Variants in MGST1 observed in about 807,000 individuals in gnomAD.
MGST1 encodes microsomal glutathione S-transferase 1.
Under a neutral mutation model 8.9 loss-of-function variants are expected in MGST1, and 5 were observed. The ratio of observed to expected loss-of-function variants is 0.56; its 90% CI spans 0.29 to 1.19. The LOEUF is 1.19. Among genes scored for constraint, MGST1 ranks in the 50% most tolerant of loss-of-function variants. The pLI, the probability that MGST1 is intolerant of heterozygous loss-of-function variation, is 0.08. For synonymous variants in MGST1, 54 were observed against 67.8 expected, an observed-to-expected ratio of 0.80 and a Z score of 1.00; for missense variants, 182 against 187.4, an observed-to-expected ratio of 0.97 and a Z score of 0.17.
chr12:16,382,105 A>G (rs1453389976), downstream of MGST1, among the ~76,000 whole-genome samples: 1 of 151,990 alleles, frequency 6.6e-6, no homozygotes, highest in Non-Finnish European at 1.5e-5. Context: ...AGCTCGGAGT[A>G]GTTTGATCAT....
chr12:16,439,869 C>A (rs1941024834), downstream of MGST1, among the ~76,000 whole-genome samples: 1 of 151,680 alleles, frequency 6.6e-6, no homozygotes, highest in South Asian at 2.1e-4. Flanking sequence ...ATATCAAGTC[C>A]TACCCCACCT....
At chr12:16,550,213 T>C (rs1941937686) in intron 4 of MGST1, 1 of 152,270 alleles carries the variant, frequency 6.6e-6, no homozygotes, top group Non-Finnish European at 1.5e-5. Context: ...CTTTTCAGTG[T>C]CATACATTTA....
chr12:16,462,749 C>T (rs1436279823), intron 4 of MGST1, among the ~76,000 whole-genome samples: 1 of 152,012 alleles, frequency 6.6e-6, no homozygotes, highest in Non-Finnish European at 1.5e-5. Context: ...ATGTAGAAAA[C>T]TGAGACACAA....
Position 16,513,942 on chromosome 12 carries a change from C to A in MGST1, n.483-75586C>A, listed in dbSNP as rs184948380. On this transcript the variant is annotated intron_variant and non_coding_transcript_variant, in intron 4 of 4. Coordinates refer to the MGST1 transcript ENST00000538857. The surrounding 1 kb of genome is among the most constrained non-coding windows in gnomAD (Gnocchi z 4.2). ...ATCGATACTATGACCGCAAGACTTG[C>A]GGTTTTGACTTCACAGACACTGTGG... is the stretch of plus-strand genomic sequence containing the variant. 1 of 531,710 alleles carries A rather than the reference C, an allele frequency of 1.9e-6. No homozygotes were observed. The highest frequency in any genetic ancestry group is 3.6e-6 in the Non-Finnish European group (1 of 275,496). The allele number at this position is 531,710 out of a possible 1,614,324, so 32.9% of individuals were successfully genotyped here.
intron 1 of MGST1, among the ~76,000 whole-genome samples, chr12:16,423,874 C>T (rs1591723834): frequency 6.6e-6 from 1 of 152,224 alleles, no homozygotes; most frequent in East Asian, 1.9e-4. Context: ...TGCTATGATT[C>T]CCACGTGATA....
At chr12:16,400,074 C>T in intron 1 of MGST1, 2 of 1,581,604 alleles carry the variant, frequency 1.3e-6, no homozygotes, top group South Asian at 2.2e-5. Flanking sequence ...CCTCTACTTT[C>T]TCCATGAAAT....
intron 4 of MGST1, among the ~76,000 whole-genome samples, chr12:16,540,184 C>A (rs771201160): frequency 1.7e-4 from 26 of 152,230 alleles, no homozygotes; most frequent in Non-Finnish European, 2.1e-4. Context: ...AGATTGTGAG[C>A]TACTTGATCT....
downstream of MGST1, among the ~76,000 whole-genome samples, chr12:16,382,093 G>A (rs1343358549): frequency 2.0e-5 from 3 of 151,808 alleles, no homozygotes; most frequent in Non-Finnish European, 4.4e-5. Context: ...ATTTCCTCCT[G>A]TAGCTCGGAG....
At chr12:16,367,766 TG>T (rs1940218092), downstream of MGST1, among the ~76,000 whole-genome samples, 2 of 152,206 alleles carry the variant, frequency 1.3e-5, no homozygotes, top group South Asian at 4.1e-4. Context: ...CTCAGTCTAT[TG>T]GCCACAGCAC....
Position 16,548,786 on chromosome 12 carries a change from TTCTTG to T in MGST1, n.483-40737_483-40733del. On this transcript the variant is annotated intron_variant and non_coding_transcript_variant, in intron 4 of 4. Coordinates refer to the MGST1 transcript ENST00000538857. The surrounding 1 kb of genome is among the most constrained non-coding windows in gnomAD (Gnocchi z 4.2). ...AAAATGGCCTACAGCTGAAACACTA[TTCTTG>T]TCTTATTTCACGATTTCATGGAGAT... 1 of 151,988 alleles carries T rather than the reference TTCTTG, an allele frequency of 6.6e-6. No homozygotes were observed. Among genetic ancestry groups the T allele is most frequent in the Non-Finnish European group, 1.5e-5 (1 of 67,784 alleles). 9.4% of individuals were successfully genotyped at this position (151,988 alleles called of 1,614,324 possible). A position where few individuals can be genotyped will look rare whatever the true frequency, so the allele number is the denominator to read the frequency against.
At chr12:16,588,597 A>T (rs1943396227) in intron 4 of MGST1, among the ~76,000 whole-genome samples, 1 of 152,114 alleles carries the variant, frequency 6.6e-6, no homozygotes, top group South Asian at 2.1e-4. Context: ...CAAAGATCCA[A>T]ATTCATCCTA....
intron 4 of MGST1, among the ~76,000 whole-genome samples, chr12:16,518,669 C>T (rs376842294): frequency 3.3e-5 from 5 of 152,052 alleles, no homozygotes; most frequent in East Asian, 1.9e-4. Context: ...TTACTCTGGC[C>T]GTTATCTGAT....
chr12:16,496,882 A>T (rs868033326), intron 4 of MGST1, among the ~76,000 whole-genome samples: 1 of 152,188 alleles, frequency 6.6e-6, no homozygotes, highest in African/African-American at 2.4e-5. Flanking sequence ...AACATATAGG[A>T]GGTTAAATGA....
chr12:16,408,414 A>T (rs1340795271), intron 1 of MGST1, among the ~76,000 whole-genome samples: 1 of 152,182 alleles, frequency 6.6e-6, no homozygotes, highest in Non-Finnish European at 1.5e-5. Context: ...TCTCCCTGAA[A>T]GGTATTTTAA....
At chr12:16,507,003 A>G (rs1020491321) in intron 4 of MGST1, among the ~76,000 whole-genome samples, 1 of 152,234 alleles carries the variant, frequency 6.6e-6, no homozygotes, top group Non-Finnish European at 1.5e-5. Flanking sequence ...ACAATAGAAC[A>G]GTGAAAATAA....
At chr12:16,499,812 C>G (rs1204692510) in intron 4 of MGST1, among the ~76,000 whole-genome samples, 1 of 152,072 alleles carries the variant, frequency 6.6e-6, no homozygotes, top group Non-Finnish European at 1.5e-5. Flanking sequence ...CTGTGGAATC[C>G]TGGCAGATTA....
chr12:16,385,934 TGA>T (rs1485889876), intron 1 of MGST1, among the ~76,000 whole-genome samples: 2 of 152,172 alleles, frequency 1.3e-5, no homozygotes, highest in African/African-American at 2.4e-5. Context: ...GCCCATAAAA[TGA>T]GAGTCTCCTA....
chr12:16,437,292 G>A (rs1940994890), intron 1 of MGST1: 1 of 151,912 alleles, frequency 6.6e-6, no homozygotes, highest in South Asian at 2.1e-4. Flanking sequence ...TTCTGTATTT[G>A]AGAATATTGG....
chr12:16,533,169 G>A (rs771963833), intron 4 of MGST1, among the ~76,000 whole-genome samples: 6 of 152,128 alleles, frequency 3.9e-5, no homozygotes, highest in Non-Finnish European at 8.8e-5. Flanking sequence ...AATGAAGAAA[G>A]AATTGGCATG....
Sources: gnomAD v4.1 joint callset for allele counts (sites outside exome capture counted in the v4.1 genomes callset) on GRCh38, gnomAD v4.1.1 for gene constraint, Gnocchi (gnomAD v3.1) non-coding constraint, MANE v1.5 for transcripts, NCBI Gene and HGNC (gene_info 2026-07-23, HGNC 2026-07-21) for gene names.